The following MCUB variants were observed in gnomAD, a reference collection of about 807,000 sequenced individuals.
The protein encoded by MCUB is mitochondrial calcium uniporter dominant negative subunit beta, also known as calcium uniporter regulatory subunit MCUb, mitochondrial.
MCUB carries 46 observed loss-of-function variants against 41.4 expected under a neutral mutation model. That is an observed-to-expected ratio of 1.11 (90% CI 0.88 to 1.42). The LOEUF (loss-of-function observed/expected upper bound fraction) is 1.42. Among genes scored for constraint, MCUB ranks in the 40% most tolerant of loss-of-function variants. The pLI, the probability that MCUB is intolerant of heterozygous loss-of-function variation, is 0.00. For synonymous variants in MCUB, 148 were observed against 148.2 expected (o/e 1.00, Z 0.01); for missense variants, 403 against 404.9 (o/e 1.00, Z 0.04).
chr4:109,660,592 G>A lies in MCUB; in HGVS notation c.346+227G>A, dbSNP rs550139799. Among the ~76,000 whole-genome samples, 26 of 152,142 alleles carry A rather than the reference G, an allele frequency of 1.7e-4. No homozygotes were observed. In the East Asian group the frequency reaches 3.3e-3, roughly 19 times the overall value. ...GCACTTTTGGGAGGCCGAGTCAGGC[G>A]GATCACCTGAGGTCAGGAGTTCGAG... On this transcript the variant is annotated intron_variant, in intron 3 of 7. Transcript: ENST00000394650.
At chr4:109,583,094 G>A (rs145887406) in intron 1 of MCUB, among the ~76,000 whole-genome samples, 6 of 152,072 alleles carry the variant, frequency 3.9e-5, no homozygotes, top group African/African-American at 1.4e-4. Flanking sequence ...TTCCAATTCT[G>A]TGAAGAAAGT....
chr4:109,602,019 G>T (rs558207893), intron 1 of MCUB, among the ~76,000 whole-genome samples: 1 of 152,232 alleles, frequency 6.6e-6, no homozygotes, highest in Non-Finnish European at 1.5e-5. Flanking sequence ...TGTATTTTTT[G>T]AGAAATGTCT....
intron 1 of MCUB, among the ~76,000 whole-genome samples, chr4:109,632,355 G>A (rs191726789): frequency 6.6e-6 from 1 of 151,648 alleles, no homozygotes; most frequent in East Asian, 1.9e-4. Context: ...TTCAACTAGA[G>A]AAATCTAATC....
chr4:109,656,528 C>T (rs1729107740), intron 1 of MCUB, among the ~76,000 whole-genome samples: 1 of 151,806 alleles, frequency 6.6e-6, no homozygotes, highest in Non-Finnish European at 1.5e-5. Flanking sequence ...AGGCATGTGC[C>T]ACCATGCCAG....
chr4:109,589,686 G>T (rs994132005), intron 1 of MCUB, among the ~76,000 whole-genome samples: 4 of 152,158 alleles, frequency 2.6e-5, no homozygotes, highest in Non-Finnish European at 4.4e-5. Flanking sequence ...TCTGGTGATG[G>T]TTTTTTCTCT....
intron 1 of MCUB, among the ~76,000 whole-genome samples, chr4:109,579,334 C>G (rs1387299125): frequency 6.6e-6 from 1 of 151,922 alleles, no homozygotes; most frequent in East Asian, 1.9e-4. Flanking sequence ...ACTGCAACCT[C>G]CTGCTCCTGG....
chr4:109,678,005 G>T (rs1248265481), intron 4 of MCUB, among the ~76,000 whole-genome samples: 3 of 151,680 alleles, frequency 2.0e-5, no homozygotes, highest in African/African-American at 7.3e-5. Flanking sequence ...TGAGATTAGG[G>T]AGTGGTGATG....
At chr4:109,585,355 A>G (rs1026494050) in intron 1 of MCUB, among the ~76,000 whole-genome samples, 3 of 152,028 alleles carry the variant, frequency 2.0e-5, no homozygotes, top group African/African-American at 4.8e-5. Context: ...TGCATGTGAG[A>G]TGGGTCTCCT....
chr4:109,686,890 T>G (rs981996521), intron 7 of MCUB, among the ~76,000 whole-genome samples: 1 of 151,594 alleles, frequency 6.6e-6, no homozygotes, highest in Non-Finnish European at 1.5e-5. Flanking sequence ...AATAAAAAAA[T>G]TTAAATATAA....
chr4:109,642,893 AT>A (rs34076028), intron 1 of MCUB, among the ~76,000 whole-genome samples: 29,654 of 110,552 alleles, frequency 0.27, 3,637 homozygotes, highest in East Asian at 0.42. Context: ...TCTCAGCTAG[AT>A]TTTTTTTTTT....
At position 109,567,571 on chromosome 4, in the gene MCUB, G is replaced by A. The variant is rs543216111; in HGVS notation, c.99+7135G>A. The stretch of plus-strand genomic sequence containing the variant: ...TGCCTGTAATCCCACCACCAAGGCT[G>A]GCTAATTTTTTGTATTTTAGTAGAG... On this transcript the variant is annotated intron_variant, in intron 1 of 7. Coordinates refer to ENST00000394650, the MANE Select transcript of MCUB (RefSeq NM_017918.5). Among the ~76,000 whole-genome samples the A allele has an allele frequency of 2.8e-4, 38 of 135,170 alleles. No homozygotes were observed. The East Asian group carries it at 3.6e-3, about 13-fold the overall frequency. The allele number at this position is 135,170 out of a possible 152,430, so 88.7% of individuals were successfully genotyped here. A position where few individuals can be genotyped will look rare whatever the true frequency, so the allele number is the denominator to read the frequency against.
intron 1 of MCUB, among the ~76,000 whole-genome samples, chr4:109,628,294 A>T (rs62326057): frequency 6.6e-6 from 1 of 152,136 alleles, no homozygotes; most frequent in Non-Finnish European, 1.5e-5. Flanking sequence ...TGGAGAGGAA[A>T]GAGCGAAGGA....
chr4:109,687,688 C>G lies in MCUB; in HGVS notation c.*96C>G. On this transcript the variant is annotated 3_prime_UTR_variant, in exon 8 of 8. Transcript: ENST00000394650. ...CCATGGTTCATTTTGATTGTTTAATCTTTGTTATTAAATTCTTGTAAAACA... is the reference window on the plus strand; with the variant it reads ...CCATGGTTCATTTTGATTGTTTAATGTTTGTTATTAAATTCTTGTAAAACA... 1 of 741,048 alleles carries G rather than the reference C, an allele frequency of 1.3e-6. No homozygotes were observed. Among genetic ancestry groups the G allele is most frequent in the South Asian group, 1.7e-5 (1 of 59,194 alleles). The allele number at this position is 741,048 out of a possible 1,614,324, so 45.9% of individuals were successfully genotyped here. A position where few individuals can be genotyped will look rare whatever the true frequency, so the allele number is the denominator to read the frequency against.
rs143219494 is a variant in MCUB at position 109,679,249 on chromosome 4, G to A, written c.452-3333G>A. Among the ~76,000 whole-genome samples the A allele has an allele frequency of 6.6e-3, 1,003 of 152,290 alleles. 12 individuals are homozygous for A. Among genetic ancestry groups the A allele is most frequent in the African/African-American group, 0.023 (950 of 41,550 alleles). On this transcript the variant is annotated intron_variant, in intron 4 of 7. Transcript: ENST00000394650. ...CTCCTTACTTCCTAGACGGGGTGGC[G>A]GCCAGGCAGAGGCTGTAATCTTAGC...
At chr4:109,581,459 A>G (rs368550118) in intron 1 of MCUB, among the ~76,000 whole-genome samples, 1 of 152,156 alleles carries the variant, frequency 6.6e-6, no homozygotes, top group Admixed American at 6.6e-5. Context: ...TACCATTCAG[A>G]ACATAGGCAT....
At chr4:109,593,303 CAG>C (rs34786406) in intron 1 of MCUB, among the ~76,000 whole-genome samples, 30,357 of 152,050 alleles carry the variant, frequency 0.2, 4,387 homozygotes, top group African/African-American at 0.4. Context: ...TAATAAGAAA[CAG>C]TATAGTCCAG....
chr4:109,619,201 G>T (rs974251906), intron 1 of MCUB, among the ~76,000 whole-genome samples: 2 of 151,986 alleles, frequency 1.3e-5, no homozygotes, highest in Non-Finnish European at 2.9e-5. Flanking sequence ...TCAGCCTCCC[G>T]AGTGGCTGGG....
At chr4:109,574,212 A>G (rs1173688043) in intron 1 of MCUB, among the ~76,000 whole-genome samples, 1 of 152,198 alleles carries the variant, frequency 6.6e-6, no homozygotes, top group Non-Finnish European at 1.5e-5. Context: ...AGATATTTGC[A>G]TTCAAATATC....
intron 1 of MCUB, among the ~76,000 whole-genome samples, chr4:109,567,275 G>C (rs7654187): frequency 1.3e-5 from 2 of 151,862 alleles, no homozygotes; most frequent in Admixed American, 1.3e-4. Flanking sequence ...CCTCTTGGGC[G>C]TAACAGTAAA....
Sources: gnomAD v4.1 joint callset for allele counts (sites outside exome capture counted in the v4.1 genomes callset) on GRCh38, gnomAD v4.1.1 for gene constraint, MANE v1.5 for transcripts, NCBI Gene and HGNC (gene_info 2026-07-23, HGNC 2026-07-21) for gene names.